The following PARP14 variants were observed in gnomAD, a reference collection of about 807,000 sequenced individuals.
PARP14 encodes the protein poly(ADP-ribose) polymerase family member 14.
In PARP14, 59 loss-of-function variants were observed where a neutral mutation model predicts 154.2. The ratio of observed to expected loss-of-function variants is 0.38; its 90% CI spans 0.31 to 0.48. The LOEUF (loss-of-function observed/expected upper bound fraction) is 0.48. Ranked by LOEUF, PARP14 falls within the 20% of genes least tolerant of loss-of-function variation. The probability of loss-of-function intolerance (pLI) is 0.98; values close to 1 mark genes in which losing one functional copy is unlikely to be tolerated. For synonymous variants in PARP14, 720 were observed against 780.5 expected (o/e 0.92, Z 1.29); for missense variants, 1,734 against 2,131.6 (o/e 0.81, Z 3.67).
chr3:122,703,396 T>C (rs1307218780), intron 6 of PARP14, among the ~76,000 whole-genome samples: 1 of 152,216 alleles, frequency 6.6e-6, no homozygotes, highest in African/African-American at 2.4e-5. Flanking sequence ...CCACCATGCC[T>C]ATGTTCATGC....
At chr3:122,690,652 G>C (rs1337052535) in intron 3 of PARP14, among the ~76,000 whole-genome samples, 3 of 152,144 alleles carry the variant, frequency 2.0e-5, no homozygotes, top group African/African-American at 7.2e-5. Context: ...GCTGGGATTA[G>C]AGGCGTGTGT....
rs1268544047 is a variant in PARP14, at chr3:122,692,547, A to C, written c.598+4A>C. ...GTTACCTTTCAAAAGCACATAGGTA[A>C]GATGAAGTGACACTTCCTCTGCCTG... is the stretch of plus-strand genomic sequence containing the variant. On this transcript the variant is annotated splice_donor_region_variant and intron_variant, in intron 4 of 16. Coordinates refer to ENST00000474629, the MANE Select transcript of PARP14 (RefSeq NM_017554.3). The C allele has an allele frequency of 1.7e-5, 28 of 1,601,876 alleles. No homozygotes were observed. The highest frequency in any genetic ancestry group is 2.4e-5 in the Non-Finnish European group (28 of 1,170,604).
chr3:122,704,763 AT>A lies in PARP14; in HGVS notation c.3540+18del, dbSNP rs773013272. 1 of 1,466,186 alleles carries A rather than the reference AT, an allele frequency of 6.8e-7. No homozygotes were observed. Among genetic ancestry groups the A allele is most frequent in the South Asian group, 1.2e-5 (1 of 80,732 alleles). The allele number at this position is 1,466,186 out of a possible 1,614,324, so 90.8% of individuals were successfully genotyped here. On this transcript the variant is annotated intron_variant, in intron 8 of 16. Coordinates refer to ENST00000474629, the MANE Select transcript of PARP14 (RefSeq NM_017554.3). ...AAAATATTCAGGTACAGTGCCACTA[AT>A]TTCTGATTATTTTGGCAACTGAGAC...
chr3:122,724,386 AC>A (rs1280257493), intron 15 of PARP14, among the ~76,000 whole-genome samples: 3 of 149,996 alleles, frequency 2.0e-5, no homozygotes, highest in Non-Finnish European at 3.0e-5. Flanking sequence ...GCAGCTTCCA[AC>A]TCCTGGGCTC....
intron 15 of PARP14, among the ~76,000 whole-genome samples, chr3:122,726,643 T>G (rs1042015366): frequency 1.3e-5 from 2 of 152,114 alleles, no homozygotes; most frequent in Non-Finnish European, 2.9e-5. Flanking sequence ...ATTTATCCCA[T>G]GAGAAATGTA....
chr3:122,687,418 C>A (rs11711456), intron 3 of PARP14, among the ~76,000 whole-genome samples: 24,281 of 152,184 alleles, frequency 0.16, 2,906 homozygotes, highest in East Asian at 0.5. Flanking sequence ...TCCACTTGTG[C>A]TGAGCCAGCC....
chr3:122,728,719 T>C lies in PARP14; in HGVS notation c.*122T>C. 1 of 739,204 alleles carries C rather than the reference T, an allele frequency of 1.4e-6. No individual in the cohort carries two copies. Among genetic ancestry groups the C allele is most frequent in the Non-Finnish European group, 2.3e-6 (1 of 443,736 alleles). 45.8% of individuals were successfully genotyped at this position (739,204 alleles called of 1,614,324 possible). A position where few individuals can be genotyped will look rare whatever the true frequency, so the allele number is the denominator to read the frequency against. ...TTTCTAATATCCAAGGATCATTCTT[T>C]GTCGCTGAAGTCAGTCTTTCTTCAG... On this transcript the variant is annotated 3_prime_UTR_variant, in exon 17 of 17. Coordinates refer to ENST00000474629, the MANE Select transcript of PARP14 (RefSeq NM_017554.3).
At chr3:122,722,767 TCTCC>T (rs1933191585) in intron 15 of PARP14, 1 of 152,174 alleles carries the variant, frequency 6.6e-6, no homozygotes, top group African/African-American at 2.4e-5. Flanking sequence ...TTTTGCTTTC[TCTCC>T]CTGTCTGTTT....
intron 12 of PARP14, among the ~76,000 whole-genome samples, chr3:122,715,643 T>TATCTATC (rs1553748219): frequency 6.7e-6 from 1 of 148,866 alleles, no homozygotes; most frequent in East Asian, 2.0e-4. Context: ...TCTATCTATC[T>TATCTATC]ATCTATCTAT....
chr3:122,685,694 G>A (rs1443266735), intron 2 of PARP14, among the ~76,000 whole-genome samples: 1 of 152,022 alleles, frequency 6.6e-6, no homozygotes, highest in African/African-American at 2.4e-5. Context: ...ATTTTTAGTA[G>A]AGACGGGGTT....
At chr3:122,724,562 C>T (rs1933240935) in intron 15 of PARP14, among the ~76,000 whole-genome samples, 1 of 148,572 alleles carries the variant, frequency 6.7e-6, no homozygotes, top group African/African-American at 2.5e-5. Context: ...ACCTCTGTCT[C>T]TCAGAGTGCT....
intron 14 of PARP14, among the ~76,000 whole-genome samples, chr3:122,719,246 A>C (rs908398546): frequency 1.3e-5 from 2 of 152,190 alleles, no homozygotes; most frequent in Non-Finnish European, 1.5e-5. Context: ...AGTTGTGCTG[A>C]GAAGGTAATA....
chr3:122,718,876 C>G lies in PARP14; in HGVS notation c.4725C>G (p.His1575Gln). 1 of 1,613,852 alleles carries G rather than the reference C, an allele frequency of 6.2e-7. No individual in the cohort carries two copies. Among genetic ancestry groups the G allele is most frequent in the East Asian group, 2.2e-5 (1 of 44,890 alleles). Residue 1575 changes from histidine to glutamine, a missense_variant, in exon 14 of 17, where the codon CAC (histidine) becomes CAG (glutamine). His to Gln is a conservative substitution (Grantham distance 24). This residue lies in a region of PARP14 where 1,646 missense variants were observed against 1,976.0 expected (regional missense o/e 0.83). Coordinates refer to ENST00000474629, the MANE Select transcript of PARP14 (RefSeq NM_017554.3). ...KTVDVKINHR[H>Q]YTVNLNTYTA... The stretch of plus-strand genomic sequence containing the variant: ...TTGATGTCAAAATTAATCATCGGCA[C>G]TACACAGTGAACTTGAACACATACA...
In PARP14 at chr3:122,693,867, A is replaced by G. The variant is rs7610723; in HGVS notation, c.598+1324A>G. Among the ~76,000 whole-genome samples, 6 of 109,566 alleles carry G rather than the reference A, an allele frequency of 5.5e-5. No homozygotes were observed. In the Admixed American group the frequency reaches 5.7e-4, roughly 10 times the overall value. The allele number at this position is 109,566 out of a possible 152,430, so 71.9% of individuals were successfully genotyped here. On this transcript the variant is annotated intron_variant, in intron 4 of 16. Transcript: ENST00000474629. ...GAAAAAAAAAAAAAGAAAAGAAAAG[A>G]AAAAGAAAAGTGCTTAACAACTTAA...
At chr3:122,708,510 T>A (rs1939229745) in intron 9 of PARP14, among the ~76,000 whole-genome samples, 2 of 152,190 alleles carry the variant, frequency 1.3e-5, no homozygotes, top group African/African-American at 4.8e-5. Flanking sequence ...ATGACAAGAC[T>A]ACCATTTCCT....
chr3:122,702,177 A>T (rs1337283000), intron 6 of PARP14, among the ~76,000 whole-genome samples: 1 of 152,142 alleles, frequency 6.6e-6, no homozygotes, highest in East Asian at 1.9e-4. Flanking sequence ...TGTAGGCTGC[A>T]GGGGCATGGC....
In PARP14 at chr3:122,680,914, G is replaced by A; in HGVS notation, c.31G>A (p.Val11Ile). 2 of 1,611,448 alleles carry A rather than the reference G, an allele frequency of 1.2e-6. No individual in the cohort carries two copies. The highest frequency in any genetic ancestry group is 8.5e-7 in the Non-Finnish European group (1 of 1,178,950). Residue 11 changes from valine (V) to isoleucine (I), a missense_variant, in exon 1 of 17, where the codon GTC (valine) becomes ATC (isoleucine). This residue lies in a region of PARP14 where 1,646 missense variants were observed against 1,976.0 expected (regional missense o/e 0.83). Transcript: ENST00000474629. ...TGTGCCCGGCTCCTTCCCGCTGCTG[G>A]TCGAGGGCTCCTGGGGCCCCGACCC... The part of the protein sequence containing the change: MAVPGSFPLL[V>I]EGSWGPDPPK...
rs760048820 is a variant in PARP14, at chr3:122,685,299, A to C, written c.302A>C (p.Glu101Ala). 1.1e-5 allele frequency: 18 copies of C among 1,613,698 alleles called. No homozygotes were observed. Among genetic ancestry groups the C allele is most frequent in the Middle Eastern group, 1.6e-4 (1 of 6,084 alleles). The change falls in exon 2 of 17, where the codon GAA becomes GCA. Residue 101 changes from glutamate to alanine, a missense_variant. Around this residue, in one of 2 missense-constraint regions of PARP14, gnomAD observed 1,646 missense variants for 1,976.0 expected, o/e 0.83. Coordinates refer to ENST00000474629, the MANE Select transcript of PARP14 (RefSeq NM_017554.3). ...ATPDEIDHVF[E>A]EELLTKESKT... ...CCAGATGAAATCGATCATGTCTTTG[A>C]AGAGGAACTTCTAACAAAAGCAAGT...
chr3:122,727,973 T>C lies in PARP14; in HGVS notation c.5103T>C (p.Tyr1701=). The C allele has an allele frequency of 4.3e-6, 7 of 1,610,150 alleles. No individual in the cohort carries two copies. Among genetic ancestry groups the C allele is most frequent in the Non-Finnish European group, 5.9e-6 (7 of 1,178,534 alleles). The change falls in exon 16 of 17, where the codon TAT becomes TAC. Residue 1701 remains tyrosine, a synonymous_variant. Coordinates refer to ENST00000474629, the MANE Select transcript of PARP14 (RefSeq NM_017554.3). ...HVNRNGFNRS[Y]AGKNAVAYGK... ...ATCGAAATGGCTTTAACCGCAGCTA[T>C]GCCGGAAAGAATGGTAAGGAAGCGA...
Sources: gnomAD v4.1 joint callset for allele counts (sites outside exome capture counted in the v4.1 genomes callset) on GRCh38, gnomAD v4.1.1 for gene constraint, gnomAD v4.1.1 regional missense constraint, MANE v1.5 for transcripts, NCBI Gene and HGNC (gene_info 2026-07-23, HGNC 2026-07-21) for gene names.